ATP8B4: variants seen among roughly 807,000 people sequenced by gnomAD.
ATP8B4 encodes the protein ATPase phospholipid transporting 8B4 (putative).
ATP8B4 carries 133 observed loss-of-function variants against 145.6 expected under a neutral mutation model. That is an observed-to-expected ratio of 0.91 (90% confidence interval 0.79 to 1.05). The LOEUF is 1.05. Ranked by LOEUF, ATP8B4 falls within the 50% of genes least tolerant of loss-of-function variation. ATP8B4 has a pLI of 0.00. For missense variants in ATP8B4, 1,458 were observed against 1,425.2 expected, an observed-to-expected ratio of 1.02 and a Z score of -0.37; for synonymous variants, 507 against 492.9, an observed-to-expected ratio of 1.03 and a Z score of -0.38.
chr15:49,915,885 T>C (rs960936740), intron 20 of ATP8B4, among the ~76,000 whole-genome samples: 1 of 151,768 alleles, frequency 6.6e-6, no homozygotes, highest in African/African-American at 2.4e-5. Flanking sequence ...GGGAGATTCG[T>C]GTACAAGTAC....
chr15:49,898,035 G>A (rs2153429231), intron 22 of ATP8B4, 33 bp downstream of exon 22: 1 of 1,609,076 alleles, frequency 6.2e-7, no homozygotes. Context: ...CCCCATGTAT[G>A]CAGCATACCC....
In ATP8B4 at chr15:49,859,017, TTA is replaced by T. The variant is rs1370012874; in HGVS notation, c.*1175_*1176del. On this transcript the variant is annotated 3_prime_UTR_variant, in exon 28 of 28. Transcript: ENST00000284509. ...AGAGAAGGCACATTATCGTCCAAGTTTATAGAGGTAAGAAGTGACAGAACTGA... is the reference window on the plus strand; with the variant it reads ...AGAGAAGGCACATTATCGTCCAAGTTTAGAGGTAAGAAGTGACAGAACTGA... 6.6e-6 allele frequency: 1 copy of T among 152,164 alleles called. No individual in the cohort carries two copies. The highest frequency in any genetic ancestry group is 1.9e-4 in the East Asian group (1 of 5,196). 9.4% of individuals were successfully genotyped at this position (152,164 alleles called of 1,614,324 possible).
chr15:50,085,261 T>C (rs1373799266), intron 2 of ATP8B4, among the ~76,000 whole-genome samples: 5 of 152,130 alleles, frequency 3.3e-5, no homozygotes, highest in Non-Finnish European at 5.9e-5. Flanking sequence ...GTTTGCATAG[T>C]CCTTTTTTTT....
chr15:50,050,291 T>C (rs530245440), intron 3 of ATP8B4, among the ~76,000 whole-genome samples: 15 of 152,344 alleles, frequency 9.8e-5, no homozygotes, highest in African/African-American at 3.6e-4. Flanking sequence ...TTCTGAACTA[T>C]TGTACTGACA....
intron 13 of ATP8B4, 43 bp from the exon 14 acceptor site, chr15:49,962,063 A>C (rs1205182170): frequency 3.5e-6 from 5 of 1,425,752 alleles, no homozygotes; most frequent in Non-Finnish European, 4.8e-6. Flanking sequence ...GTGAAACCGA[A>C]ATTAGAATTA....
Position 49,898,093 on chromosome 15 carries a change from T to C in ATP8B4, c.2448A>G (p.Gly816=), listed in dbSNP as rs949711391. 6.2e-7 allele frequency: 1 copy of C among 1,613,706 alleles called. No homozygotes were observed. Among genetic ancestry groups the C allele is most frequent in the African/African-American group, 1.3e-5 (1 of 74,894 alleles). The change falls in exon 22 of 28, where the codon GGA becomes GGG. Residue 816 remains glycine, a synonymous_variant. Transcript: ENST00000284509. The stretch of plus-strand genomic sequence containing the variant: ...TTTTAATCATGCTGACATCATTGGC[T>C]CCATCACCAATGGCCAAAGTAACAG... The part of the protein sequence containing the change: ...RNAVTLAIGD[G]ANDVSMIKSA...
intron 24 of ATP8B4, among the ~76,000 whole-genome samples, chr15:49,878,960 A>G (rs2034946637): frequency 6.6e-6 from 1 of 152,184 alleles, no homozygotes. Flanking sequence ...AAGCTCTCAG[A>G]GGCTAAGGCA....
At chr15:50,151,600 A>T (rs2153680842) in intron 1 of ATP8B4, among the ~76,000 whole-genome samples, 2 of 152,294 alleles carry the variant, frequency 1.3e-5, no homozygotes, top group African/African-American at 4.8e-5. Context: ...AAAATTTTAA[A>T]AGTAGCTTGA....
At chr15:50,048,759 G>C (rs1465961051) in intron 3 of ATP8B4, among the ~76,000 whole-genome samples, 2 of 151,232 alleles carry the variant, frequency 1.3e-5, no homozygotes, top group Non-Finnish European at 2.9e-5. Flanking sequence ...AGAGAAACCT[G>C]GCACCACAAG....
At chr15:50,135,819 T>A (rs765322730) in intron 1 of ATP8B4, among the ~76,000 whole-genome samples, 8 of 152,148 alleles carry the variant, frequency 5.3e-5, no homozygotes, top group Non-Finnish European at 1.0e-4. Context: ...AAACTTTCTA[T>A]CCAATTAAGG....
rs28621410 is a variant in ATP8B4, at chr15:50,016,633, C to T, written c.363-5716G>A. On this transcript the variant is annotated intron_variant, in intron 6 of 27. Transcript: ENST00000284509. ...CTGGAACAGGCCTTTACAATAGGAT[C>T]AAGGGGACCAGGACTTTATACCATG... Among the ~76,000 whole-genome samples the T allele has an allele frequency of 9.2e-3, 1,404 of 152,202 alleles. 27 individuals carry two copies. Among genetic ancestry groups the T allele is most frequent in the African/African-American group, 0.032 (1,347 of 41,530 alleles).
intron 9 of ATP8B4, among the ~76,000 whole-genome samples, chr15:49,994,658 TGA>T (rs1599690281): frequency 2.0e-5 from 3 of 151,802 alleles, no homozygotes; most frequent in Admixed American, 6.6e-5. Context: ...TATGGTGGAT[TGA>T]GAGTGTAAGG....
intron 1 of ATP8B4, among the ~76,000 whole-genome samples, chr15:50,144,983 T>C (rs755337660): frequency 1.3e-5 from 2 of 152,028 alleles, no homozygotes; most frequent in East Asian, 3.9e-4. Flanking sequence ...TCTTAAAGCC[T>C]AGCTGAGCCA....
chr15:50,062,084 C>T (rs2053067528), intron 3 of ATP8B4, among the ~76,000 whole-genome samples: 1 of 152,094 alleles, frequency 6.6e-6, no homozygotes, highest in Non-Finnish European at 1.5e-5. Flanking sequence ...GAGCATTTAA[C>T]AAAGTGATAA....
intron 15 of ATP8B4, 57 bp downstream of exon 15, chr15:49,933,960 T>A (rs1454249752): frequency 6.9e-7 from 1 of 1,448,372 alleles, no homozygotes; most frequent in East Asian, 2.4e-5. Context: ...TTAGTGTCAG[T>A]TTCAATTTTA....
rs146474692 is a variant in ATP8B4, at chr15:49,912,188, T to C, written c.2141+4746A>G. Among the ~76,000 whole-genome samples the C allele has an allele frequency of 2.9e-3, 434 of 152,054 alleles. 1 individual carries two copies. Among genetic ancestry groups the C allele is most frequent in the African/African-American group, 0.01 (420 of 41,510 alleles). ...AAAAGATAATAAAGATCAGAGCATA[T>C]GTAAATAAAATAGACTAAAAAATAC... is the stretch of plus-strand genomic sequence containing the variant. On this transcript the variant is annotated intron_variant, in intron 20 of 27. Coordinates refer to ENST00000284509, the MANE Select transcript of ATP8B4 (RefSeq NM_024837.4).
chr15:50,055,630 A>C (rs28483908), intron 3 of ATP8B4, among the ~76,000 whole-genome samples: 4,055 of 152,318 alleles, frequency 0.027, 170 homozygotes, highest in African/African-American at 0.094. Context: ...GGGGGAAAAC[A>C]TCTAGCCCTT....
At chr15:49,961,013 G>C (rs1283208040) in intron 14 of ATP8B4, among the ~76,000 whole-genome samples, 1 of 151,938 alleles carries the variant, frequency 6.6e-6, no homozygotes, top group African/African-American at 2.4e-5. Context: ...GGCGCCTGTA[G>C]TCCCAGCTAC....
At chr15:50,138,397 CAGACAGAG>C (rs1184754578) in intron 1 of ATP8B4, among the ~76,000 whole-genome samples, 5,880 of 109,660 alleles carry the variant, frequency 0.054, 139 homozygotes, top group Admixed American at 0.067. Flanking sequence ...GACAGACAGA[CAGACAGAG>C]AGATGATAGA....
Sources: allele counts gnomAD v4.1 joint callset (sites outside exome capture counted in the v4.1 genomes callset), GRCh38; gene constraint gnomAD v4.1.1; transcripts MANE v1.5; gene names NCBI Gene and HGNC (gene_info 2026-07-23, HGNC 2026-07-21).